MVB12B: variants seen among roughly 807,000 people sequenced by gnomAD.
The protein encoded by MVB12B is multivesicular body subunit 12B.
MVB12B carries 16 observed loss-of-function variants against 41.6 expected under a neutral mutation model. That is an observed-to-expected ratio of 0.38 (90% confidence interval 0.26 to 0.58). The LOEUF is 0.58. Among genes scored for constraint, MVB12B ranks in the 20% least tolerant of loss-of-function variants. MVB12B has a pLI of 0.62. For missense variants in MVB12B, 274 were observed against 380.2 expected, an observed-to-expected ratio of 0.72 and a Z score of 2.32; for synonymous variants, 133 against 139.7, an observed-to-expected ratio of 0.95 and a Z score of 0.34.
intron 2 of MVB12B, among the ~76,000 whole-genome samples, chr9:126,363,951 C>T (rs1427936770): frequency 6.6e-6 from 1 of 152,178 alleles, no homozygotes; most frequent in African/African-American, 2.4e-5. Flanking sequence ...TTAATTACTT[C>T]TCTGTGTACT....
intron 6 of MVB12B, chr9:126,396,524 C>A: frequency 2.0e-6 from 2 of 985,474 alleles, no homozygotes. Context: ...TGTCAGGAAC[C>A]GGACAGAAGA....
At chr9:126,463,710 C>T (rs1252259573) in intron 7 of MVB12B, among the ~76,000 whole-genome samples, 2 of 152,164 alleles carry the variant, frequency 1.3e-5, no homozygotes, top group East Asian at 3.8e-4. Flanking sequence ...GCTTCCATCC[C>T]CAATTCTCTG....
chr9:126,330,891 G>A (rs546978251), intron 1 of MVB12B, among the ~76,000 whole-genome samples: 62 of 152,170 alleles, frequency 4.1e-4, no homozygotes, highest in African/African-American at 1.4e-3. Flanking sequence ...GGCTTGTTTA[G>A]TTTAGCATAC....
chr9:126,404,892 C>T (rs1030899188), intron 6 of MVB12B, among the ~76,000 whole-genome samples: 1 of 152,210 alleles, frequency 6.6e-6, no homozygotes, highest in Non-Finnish European at 1.5e-5. Flanking sequence ...AACAGAGCGG[C>T]GGCCGCTCTT....
Position 126,401,222 on chromosome 9 carries a change from G to A in MVB12B, c.662+5525G>A, listed in dbSNP as rs554133120. On this transcript the variant is annotated intron_variant, in intron 6 of 9. Transcript: ENST00000361171. ...ATTTCCCAGCCATTGAGTTCTGACC[G>A]GCAGCCTCCCCTGCAAGATGCAGCT... Among the ~76,000 whole-genome samples the A allele has an allele frequency of 1.6e-4, 24 of 152,220 alleles. No homozygotes were observed. The South Asian group carries it at 4.1e-3, about 26-fold the overall frequency.
chr9:126,432,567 TCTTA>T (rs1832358578), intron 7 of MVB12B, among the ~76,000 whole-genome samples: 1 of 152,250 alleles, frequency 6.6e-6, no homozygotes, highest in South Asian at 2.1e-4. Context: ...CCAGCCTTCC[TCTTA>T]CTTACCCTGT....
In MVB12B at chr9:126,326,989, G is replaced by GCCGCCGCCC. The variant is rs1400090194; in HGVS notation, c.62_70dup (p.Pro21_Pro23dup). 4.1e-6 allele frequency: 1 copy of GCCGCCGCCC among 246,666 alleles called. No homozygotes were observed. Among genetic ancestry groups the GCCGCCGCCC allele is most frequent in the African/African-American group, 2.4e-5 (1 of 42,066 alleles). The allele number at this position is 246,666 out of a possible 1,614,324, so 15.3% of individuals were successfully genotyped here. The stretch of plus-strand genomic sequence containing the variant: ...ACCCGCCGCCGCCGCAGCCACCGCC[G>GCCGCCGCCC]CCGCCGCCCCAGCGGGGAACAGTTA... On this transcript the variant is annotated inframe_insertion, in exon 1 of 10. Coordinates refer to ENST00000361171, the MANE Select transcript of MVB12B (RefSeq NM_033446.3).
intron 9 of MVB12B, among the ~76,000 whole-genome samples, chr9:126,488,919 A>G (rs1489291894): frequency 1.3e-5 from 2 of 152,196 alleles, no homozygotes; most frequent in African/African-American, 4.8e-5. Flanking sequence ...TATTCTGAGC[A>G]TGGAGGTTAG....
chr9:126,390,748 C>T (rs1470694299), intron 4 of MVB12B, among the ~76,000 whole-genome samples: 1 of 152,132 alleles, frequency 6.6e-6, no homozygotes, highest in Non-Finnish European at 1.5e-5. Flanking sequence ...ATCACGAGGT[C>T]AGGAGTTCAA....
At chr9:126,399,649 G>A (rs2119020419) in intron 6 of MVB12B, among the ~76,000 whole-genome samples, 1 of 152,324 alleles carries the variant, frequency 6.6e-6, no homozygotes, top group Middle Eastern at 3.4e-3. Context: ...GCCCCAGGAG[G>A]CAGGTGGGCT....
At chr9:126,430,746 C>T (rs554846834) in intron 7 of MVB12B, among the ~76,000 whole-genome samples, 3 of 151,960 alleles carry the variant, frequency 2.0e-5, no homozygotes, top group Non-Finnish European at 4.4e-5. Context: ...GGGTCAGAAT[C>T]TTGGCTCTGA....
chr9:126,436,328 T>C lies in MVB12B; in HGVS notation c.757+14380T>C, dbSNP rs1832478544. On this transcript the variant is annotated intron_variant, in intron 7 of 9. Coordinates refer to ENST00000361171, the MANE Select transcript of MVB12B (RefSeq NM_033446.3). This position sits in a 1 kb window ranked among gnomAD's most constrained non-coding sequence, Gnocchi z 4.1. ...TGCAGCCGCCTTTTAGGAACACTCT[T>C]AGGTTTTAATTGGATTGGGAAAAAG... Among the ~76,000 whole-genome samples the C allele has an allele frequency of 6.6e-6, 1 of 152,192 alleles. No homozygotes were observed. The highest frequency in any genetic ancestry group is 2.1e-4 in the South Asian group (1 of 4,830).
chr9:126,341,836 C>T (rs1829453469), intron 2 of MVB12B, among the ~76,000 whole-genome samples: 1 of 152,110 alleles, frequency 6.6e-6, no homozygotes, highest in Non-Finnish European at 1.5e-5. Context: ...GGCAGAATCA[C>T]CCCCCATTGA....
At chr9:126,342,395 T>C (rs4837066) in intron 2 of MVB12B, among the ~76,000 whole-genome samples, 1,642 of 152,292 alleles carry the variant, frequency 0.011, 51 homozygotes, top group East Asian at 0.066. Flanking sequence ...TGGCCTTTGA[T>C]AGTTTGGTTT....
In MVB12B at chr9:126,434,922, A is replaced by G. The variant is rs76929739; in HGVS notation, c.757+12974A>G. On this transcript the variant is annotated intron_variant, in intron 7 of 9. Coordinates refer to ENST00000361171, the MANE Select transcript of MVB12B (RefSeq NM_033446.3). Reference sequence around the variant, plus strand: ...TTCACTGGTGTGTGCCTGATGCCCAATGCCCAGCCCAGGGCCTAGCATACA... The same window carrying G: ...TTCACTGGTGTGTGCCTGATGCCCAGTGCCCAGCCCAGGGCCTAGCATACA... Among the ~76,000 whole-genome samples, 760 of 152,246 alleles carry G rather than the reference A, an allele frequency of 5.0e-3. 6 individuals carry two copies. Among genetic ancestry groups the G allele is most frequent in the African/African-American group, 0.017 (696 of 41,520 alleles).
At chr9:126,451,867 T>G (rs1310344240) in intron 7 of MVB12B, among the ~76,000 whole-genome samples, 2 of 152,210 alleles carry the variant, frequency 1.3e-5, no homozygotes, top group African/African-American at 4.8e-5. Context: ...CAGATTAGGT[T>G]AGCCGTGTGA....
chr9:126,344,134 C>G (rs1253290865), intron 2 of MVB12B, among the ~76,000 whole-genome samples: 2 of 151,962 alleles, frequency 1.3e-5, no homozygotes, highest in African/African-American at 4.8e-5. Context: ...GTTTATCTAT[C>G]CACCCCATTT....
intron 9 of MVB12B, among the ~76,000 whole-genome samples, chr9:126,499,431 A>T (rs553714043): frequency 6.6e-6 from 1 of 152,260 alleles, no homozygotes; most frequent in Non-Finnish European, 1.5e-5. Flanking sequence ...TTAATTGAAA[A>T]TTTTTTTAAT....
At chr9:126,424,496 C>T (rs1832114663) in intron 7 of MVB12B, among the ~76,000 whole-genome samples, 1 of 152,212 alleles carries the variant, frequency 6.6e-6, no homozygotes, top group South Asian at 2.1e-4. Context: ...GCCAGGTAGT[C>T]ATCCTGATTT....
Sources: gnomAD v4.1 joint callset for allele counts (sites outside exome capture counted in the v4.1 genomes callset) on GRCh38, gnomAD v4.1.1 for gene constraint, Gnocchi (gnomAD v3.1) non-coding constraint, MANE v1.5 for transcripts, NCBI Gene and HGNC (gene_info 2026-07-23, HGNC 2026-07-21) for gene names.